CAMK1D: variants seen among roughly 807,000 people sequenced by gnomAD.
The protein encoded by CAMK1D is calcium/calmodulin-dependent protein kinase type 1D.
Under a neutral mutation model 47.7 loss-of-function variants are expected in CAMK1D, and 9 were observed. That is an observed-to-expected ratio of 0.19 (90% confidence interval 0.11 to 0.33). The LOEUF (loss-of-function observed/expected upper bound fraction) is 0.33, where lower values mean the gene tolerates loss of function less well. Among genes scored for constraint, CAMK1D ranks in the 10% least tolerant of loss-of-function variants. The pLI, the probability that CAMK1D is intolerant of heterozygous loss-of-function variation, is 1.00. For missense variants in CAMK1D, 291 were observed against 488.7 expected (o/e 0.60, Z 3.81); for synonymous variants, 184 against 184.9 (o/e 0.99, Z 0.04).
chr10:12,566,520 T>G (rs1219771493), intron 2 of CAMK1D, among the ~76,000 whole-genome samples: 3 of 152,116 alleles, frequency 2.0e-5, no homozygotes, highest in Non-Finnish European at 4.4e-5. Flanking sequence ...AATGTTAGAG[T>G]CACCAGAGCA....
chr10:12,384,387 CA>C (rs1055162746), intron 1 of CAMK1D, among the ~76,000 whole-genome samples: 1 of 152,028 alleles, frequency 6.6e-6, no homozygotes, highest in African/African-American at 2.4e-5. Flanking sequence ...GCAGGGAACC[CA>C]AAATAGCCAA....
At chr10:12,525,041 A>T (rs1376217903) in intron 1 of CAMK1D, among the ~76,000 whole-genome samples, 1 of 151,944 alleles carries the variant, frequency 6.6e-6, no homozygotes, top group Non-Finnish European at 1.5e-5. Flanking sequence ...ATCTTTAAGG[A>T]TTTTTTTCCA....
At chr10:12,374,981 A>T (rs964452886) in intron 1 of CAMK1D, among the ~76,000 whole-genome samples, 1 of 146,474 alleles carries the variant, frequency 6.8e-6, no homozygotes, top group African/African-American at 2.5e-5. Flanking sequence ...TTTTGTGGAG[A>T]TGGGGGTCTC....
At chr10:12,380,176 C>G (rs1276546411) in intron 1 of CAMK1D, among the ~76,000 whole-genome samples, 1 of 152,078 alleles carries the variant, frequency 6.6e-6, no homozygotes, top group East Asian at 1.9e-4. Flanking sequence ...GATGGCACCA[C>G]TGCACTCCAG....
At chr10:12,568,077 C>CGCCCTCCCACCTTGCCTCCCT in intron 2 of CAMK1D, among the ~76,000 whole-genome samples, 1 of 136,426 alleles carries the variant, frequency 7.3e-6, no homozygotes, top group South Asian at 2.5e-4. Flanking sequence ...TAGGCCTGCC[C>CGCCCTCCCACCTTGCCTCCCT]GCCCTCCCAC....
chr10:12,809,115 T>C (rs1832493974), intron 6 of CAMK1D, among the ~76,000 whole-genome samples: 1 of 114,606 alleles, frequency 8.7e-6, no homozygotes, highest in African/African-American at 4.2e-5. Flanking sequence ...AAACTCTGTC[T>C]CAAAAAAAAA....
At chr10:12,591,460 TAA>T (rs1588668019) in intron 2 of CAMK1D, among the ~76,000 whole-genome samples, 1 of 152,332 alleles carries the variant, frequency 6.6e-6, no homozygotes, top group East Asian at 1.9e-4. Flanking sequence ...CTTCTTCCAC[TAA>T]AAAGTGTCAC....
chr10:12,403,542 A>G (rs1282152850), intron 1 of CAMK1D, among the ~76,000 whole-genome samples: 2 of 152,164 alleles, frequency 1.3e-5, no homozygotes, highest in Admixed American at 1.3e-4. Context: ...GCTATTCTAT[A>G]AAGACTCAAA....
chr10:12,797,449 A>T (rs1356595154), intron 6 of CAMK1D, among the ~76,000 whole-genome samples: 2 of 151,604 alleles, frequency 1.3e-5, no homozygotes, highest in African/African-American at 2.4e-5. Flanking sequence ...TGAACTCCTG[A>T]CCTCAAGTGA....
intron 1 of CAMK1D, among the ~76,000 whole-genome samples, chr10:12,371,448 C>T (rs1470080050): frequency 6.0e-5 from 9 of 150,736 alleles, no homozygotes; most frequent in Non-Finnish European, 1.3e-4. Context: ...TAGTGGCGGG[C>T]GCCTGTAGTC....
At chr10:12,620,207 A>T (rs993960508) in intron 2 of CAMK1D, among the ~76,000 whole-genome samples, 40 of 151,226 alleles carry the variant, frequency 2.6e-4, no homozygotes, top group African/African-American at 8.9e-4. Context: ...AAAAAAAAAA[A>T]AAAAAAAAAA....
In CAMK1D at chr10:12,611,588, C is replaced by CTTTTTT. The variant is rs71386105; in HGVS notation, c.225-55132_225-55127dup. Among the ~76,000 whole-genome samples, 473 of 59,938 alleles carry CTTTTTT rather than the reference C, an allele frequency of 7.9e-3. 17 individuals carry two copies. The highest frequency in any genetic ancestry group is 0.019 in the Middle Eastern group (1 of 54). 39.3% of individuals were successfully genotyped at this position (59,938 alleles called of 152,430 possible). On this transcript the variant is annotated intron_variant, in intron 2 of 10. Coordinates refer to ENST00000619168, the MANE Select transcript of CAMK1D (RefSeq NM_153498.4). ...CAGTTCCCTGAATGTTTCAGAATGC[C>CTTTTTT]TTTTTTTTTTTTTTTTTTTTTGAGA... is the stretch of plus-strand genomic sequence containing the variant.
chr10:12,531,244 T>G (rs1835796264), intron 1 of CAMK1D, among the ~76,000 whole-genome samples: 1 of 152,184 alleles, frequency 6.6e-6, no homozygotes, highest in Admixed American at 6.5e-5. Context: ...AGTTTGATGA[T>G]GATATGCTGA....
chr10:12,482,135 A>G (rs1164758602), intron 1 of CAMK1D, among the ~76,000 whole-genome samples: 1 of 152,200 alleles, frequency 6.6e-6, no homozygotes, highest in Non-Finnish European at 1.5e-5. Context: ...AGAAGCAACA[A>G]TTACCTCTTT....
At chr10:12,741,594 A>G (rs1457094533) in intron 3 of CAMK1D, among the ~76,000 whole-genome samples, 2 of 151,802 alleles carry the variant, frequency 1.3e-5, no homozygotes, top group South Asian at 2.1e-4. Flanking sequence ...CTTATGAAAC[A>G]TGTTCAGCAT....
chr10:12,606,688 C>T (rs2132402031), intron 2 of CAMK1D, among the ~76,000 whole-genome samples: 1 of 152,312 alleles, frequency 6.6e-6, no homozygotes, highest in Middle Eastern at 3.4e-3. Flanking sequence ...TCTCGGGCAC[C>T]ACGCCCAACT....
At chr10:12,616,933 C>T (rs959060243) in intron 2 of CAMK1D, among the ~76,000 whole-genome samples, 9 of 152,134 alleles carry the variant, frequency 5.9e-5, no homozygotes, top group African/African-American at 2.2e-4. Flanking sequence ...ACTTCAGTGG[C>T]ATTTATTCGG....
intron 3 of CAMK1D, among the ~76,000 whole-genome samples, chr10:12,681,849 T>C (rs1364685799): frequency 2.0e-5 from 3 of 152,168 alleles, no homozygotes; most frequent in South Asian, 2.1e-4. Context: ...TAGTAATTAT[T>C]GAAAACAAAA....
In CAMK1D at chr10:12,828,881, C is replaced by G. The variant is rs1290867546; in HGVS notation, c.1152C>G (p.Ser384Arg). ...CTGTGACGGCAGTGCACTCTGGAAG[C>G]AAGTGACTGGCCCTGGAGGTGGGGC... ...PTTVTAVHSG[S>R]K The change falls in exon 11 of 11, where the codon AGC (serine) becomes AGG (arginine). Residue 384 changes from serine to arginine, a missense_variant. Physicochemically the swap from Ser to Arg is moderately radical, Grantham distance 110 (BLOSUM62 -1). This residue lies in a region of CAMK1D where 72 missense variants were observed against 64.4 expected (regional missense o/e 1.12). Transcript: ENST00000619168. The G allele has an allele frequency of 1.9e-6, 3 of 1,610,100 alleles. No homozygotes were observed. Among genetic ancestry groups the G allele is most frequent in the Admixed American group, 3.4e-5 (2 of 59,700 alleles).
Sources: allele counts gnomAD v4.1 joint callset (sites outside exome capture counted in the v4.1 genomes callset), GRCh38; gene constraint gnomAD v4.1.1; regional missense constraint gnomAD v4.1.1; transcripts MANE v1.5; gene names NCBI Gene and HGNC (gene_info 2026-07-23, HGNC 2026-07-21).